Variants in GALNT13 observed in about 807,000 individuals in gnomAD.
The protein encoded by GALNT13 is UDP-GalNAc:polypeptide N-acetylgalactosaminyltransferase 13.
A neutral mutation model predicts 64.2 loss-of-function variants in GALNT13; 28 were observed. The ratio of observed to expected loss-of-function variants is 0.44; its 90% CI spans 0.32 to 0.60. The LOEUF (loss-of-function observed/expected upper bound fraction) is 0.60. Among genes scored for constraint, GALNT13 ranks in the 20% least tolerant of loss-of-function variants. GALNT13 has a pLI of 0.05. For missense variants in GALNT13, 577 were observed against 669.8 expected, an observed-to-expected ratio of 0.86 and a Z score of 1.53; for synonymous variants, 214 against 224.6, an observed-to-expected ratio of 0.95 and a Z score of 0.42.
At chr2:154,441,547 A>G (rs1293745861) in intron 12 of GALNT13, among the ~76,000 whole-genome samples, 3 of 152,126 alleles carry the variant, frequency 2.0e-5, no homozygotes, top group Non-Finnish European at 4.4e-5. Flanking sequence ...ACTAAAGCAT[A>G]AAGATTACAC....
the GALNT13 span, among the ~76,000 whole-genome samples, chr2:153,079,228 T>C: frequency 7.9e-5 from 12 of 152,124 alleles, no homozygotes; most frequent in Non-Finnish European, 1.2e-4. Context: ...GCCAGAGCTT[T>C]TACTGTGACT....
At chr2:153,220,670 G>C in the GALNT13 span, among the ~76,000 whole-genome samples, 1 of 152,180 alleles carries the variant, frequency 6.6e-6, no homozygotes, top group Non-Finnish European at 1.5e-5. Context: ...TCTTCCAAGT[G>C]TACTTTCCTT....
At chr2:154,225,511 A>T (rs149378084) in intron 4 of GALNT13, among the ~76,000 whole-genome samples, 135 of 152,168 alleles carry the variant, frequency 8.9e-4, no homozygotes, top group African/African-American at 3.1e-3. Context: ...TACCCTCAAG[A>T]TACAGCTCCA....
intron 3 of GALNT13, among the ~76,000 whole-genome samples, chr2:154,035,135 G>C (rs1484775973): frequency 6.6e-6 from 1 of 152,016 alleles, no homozygotes; most frequent in African/African-American, 2.4e-5. Context: ...GTTTATCAAT[G>C]AATGATTGGA....
Position 154,379,064 on chromosome 2 carries a change from G to T in GALNT13, c.1157-16927G>T, listed in dbSNP as rs193173850. ...AATTTCAGAGGACATAGAATATGTG[G>T]CTAGAAATACATAATGTGTGCTTAA... On this transcript the variant is annotated intron_variant, in intron 9 of 12. Transcript: ENST00000392825. 2.7e-3 allele frequency among the ~76,000 whole-genome samples: 415 copies of T among 152,106 alleles called. 6 individuals are homozygous for T. Among genetic ancestry groups the T allele is most frequent in the Admixed American group, 0.025 (382 of 15,256 alleles).
chr2:153,093,119 T>A, the GALNT13 span, among the ~76,000 whole-genome samples: 31 of 152,298 alleles, frequency 2.0e-4, no homozygotes, highest in African/African-American at 7.0e-4. Flanking sequence ...ATCACCTGGT[T>A]TTTATCCTTC....
chr2:153,562,891 T>C, the GALNT13 span, among the ~76,000 whole-genome samples: 1 of 152,160 alleles, frequency 6.6e-6, no homozygotes, highest in Non-Finnish European at 1.5e-5. Context: ...TTACTAGAAA[T>C]TGTTTTGGTG....
At chr2:154,306,027 G>A (rs368648809) in intron 9 of GALNT13, among the ~76,000 whole-genome samples, 27 of 152,110 alleles carry the variant, frequency 1.8e-4, no homozygotes, top group African/African-American at 6.0e-4. Flanking sequence ...GTTTATACCA[G>A]GGAGACTCTT....
At chr2:153,846,918 G>A in the GALNT13 span, among the ~76,000 whole-genome samples, 122,260 of 152,054 alleles carry the variant, frequency 0.8, 49,937 homozygotes, top group Admixed American at 0.86. Flanking sequence ...AGAGGTGTCC[G>A]AATTAAAACA....
the GALNT13 span, among the ~76,000 whole-genome samples, chr2:153,401,137 A>G: frequency 1.3e-5 from 2 of 151,966 alleles, no homozygotes; most frequent in African/African-American, 4.8e-5. Flanking sequence ...CTTTGTTCTC[A>G]TTGGTTTCAA....
chr2:153,795,442 C>A, the GALNT13 span, among the ~76,000 whole-genome samples: 1 of 152,094 alleles, frequency 6.6e-6, no homozygotes, highest in East Asian at 1.9e-4. Context: ...TGACACACAC[C>A]TGCCAGTGAC....
chr2:153,243,934 T>C, the GALNT13 span, among the ~76,000 whole-genome samples: 1 of 152,106 alleles, frequency 6.6e-6, no homozygotes, highest in African/African-American at 2.4e-5. Context: ...ATCTTACATA[T>C]GGTCAAATGA....
At chr2:153,480,505 A>G in the GALNT13 span, among the ~76,000 whole-genome samples, 1 of 152,154 alleles carries the variant, frequency 6.6e-6, no homozygotes, top group Non-Finnish European at 1.5e-5. Flanking sequence ...GTTTCCCATA[A>G]TTTAATTAGA....
chr2:154,124,243 A>G (rs1177298572), intron 3 of GALNT13, among the ~76,000 whole-genome samples: 1 of 151,006 alleles, frequency 6.6e-6, no homozygotes, highest in East Asian at 1.9e-4. Flanking sequence ...TGTTATACAG[A>G]TGTGATTAAA....
chr2:153,097,085 T>A, the GALNT13 span, among the ~76,000 whole-genome samples: 14,544 of 152,164 alleles, frequency 0.096, 776 homozygotes, highest in Non-Finnish European at 0.12. Flanking sequence ...TACTATTTTA[T>A]AACCTATTAT....
chr2:153,380,565 A>G, the GALNT13 span, among the ~76,000 whole-genome samples: 1 of 151,406 alleles, frequency 6.6e-6, no homozygotes, highest in African/African-American at 2.4e-5. Flanking sequence ...GATACTGTGG[A>G]TTTTGGTAAG....
At chr2:153,877,368 A>T (rs377722762) in intron 1 of GALNT13, among the ~76,000 whole-genome samples, 1 of 152,152 alleles carries the variant, frequency 6.6e-6, no homozygotes, top group African/African-American at 2.4e-5. Flanking sequence ...GAAGAGTGTG[A>T]TTAATCTGCT....
intron 3 of GALNT13, among the ~76,000 whole-genome samples, chr2:154,122,599 A>T (rs909923040): frequency 2.0e-5 from 3 of 151,990 alleles, no homozygotes; most frequent in African/African-American, 7.2e-5. Flanking sequence ...AACTTCTACA[A>T]CAGGTATAGG....
chr2:153,542,363 A>C, the GALNT13 span, among the ~76,000 whole-genome samples: 9 of 130,064 alleles, frequency 6.9e-5, no homozygotes, highest in South Asian at 2.6e-4. Flanking sequence ...CACACACAAA[A>C]AAAAAACCGG....
Sources: allele counts gnomAD v4.1 joint callset (sites outside exome capture counted in the v4.1 genomes callset), GRCh38; gene constraint gnomAD v4.1.1; transcripts MANE v1.5; gene names NCBI Gene and HGNC (gene_info 2026-07-23, HGNC 2026-07-21).